RPS3: variants seen among roughly 807,000 people sequenced by gnomAD.
RPS3 encodes small ribosomal subunit protein uS3.
In RPS3, 2 loss-of-function variants were observed where a neutral mutation model predicts 25.8. The ratio of observed to expected loss-of-function variants is 0.08; its 90% CI spans 0.03 to 0.24. RPS3 has a LOEUF of 0.24. Ranked by LOEUF, RPS3 falls within the 10% of genes least tolerant of loss-of-function variation. RPS3 has a pLI of 1.00. For missense variants in RPS3, 107 were observed against 307.1 expected (o/e 0.35, Z 4.87); for synonymous variants, 114 against 114.2 (o/e 1.00, Z 0.01).
intron 6 of RPS3, among the ~76,000 whole-genome samples, chr11:75,421,076 C>T (rs1270169183): frequency 6.6e-6 from 1 of 152,172 alleles, no homozygotes; most frequent in Non-Finnish European, 1.5e-5. Context: ...TTGTCCTGAG[C>T]GTTCCCCATA....
At chr11:75,420,390 G>A (rs1414948117) in intron 6 of RPS3, among the ~76,000 whole-genome samples, 2 of 152,174 alleles carry the variant, frequency 1.3e-5, no homozygotes, top group African/African-American at 2.4e-5. Flanking sequence ...ATTCCCCATG[G>A]TGCAAATGAT....
chr11:75,408,794 C>G (rs1948312628), downstream of RPS3, among the ~76,000 whole-genome samples: 1 of 152,168 alleles, frequency 6.6e-6, no homozygotes, highest in Non-Finnish European at 1.5e-5. Context: ...GATCCACCTC[C>G]CAAAGTGCTG....
chr11:75,410,303 C>T (rs1207145861), downstream of RPS3, among the ~76,000 whole-genome samples: 19 of 151,776 alleles, frequency 1.3e-4, no homozygotes, highest in East Asian at 3.5e-3. Flanking sequence ...GGTTTCCTCA[C>T]TTCTCAGACG....
chr11:75,402,185 T>C, intron 3 of RPS3, 167 bp from the exon 4 acceptor site: 1 of 976,088 alleles, frequency 1.0e-6, no homozygotes, highest in South Asian at 1.6e-5. Context: ...ATCACGATGT[T>C]GAATTTGTGT....
downstream of RPS3, among the ~76,000 whole-genome samples, chr11:75,407,634 A>T: frequency 6.6e-6 from 1 of 150,636 alleles, no homozygotes; most frequent in African/African-American, 2.4e-5. Flanking sequence ...AAGTCTGGCT[A>T]TTTTTTTTTG....
chr11:75,413,536 A>C (rs1027847706), intron 6 of RPS3, among the ~76,000 whole-genome samples: 2 of 152,202 alleles, frequency 1.3e-5, no homozygotes, highest in African/African-American at 4.8e-5. Context: ...GATTACAGGC[A>C]TGAGCCACCG....
At chr11:75,401,886 G>A (rs1948214886) in intron 3 of RPS3, 153 bp downstream of exon 3, 1 of 606,996 alleles carries the variant, frequency 1.6e-6, no homozygotes, top group Non-Finnish European at 3.0e-6. Flanking sequence ...AACTTTGTAA[G>A]CCTATTCTGC....
rs946623268 is a variant in RPS3, at chr11:75,406,334, G to T, written c.*724G>T. Reference sequence around the variant, plus strand: ...GGCACTATTTTTTCAGGCAAAACTAGTGAGGGACAGGTTGGCTTGAAAATC... The same window carrying T: ...GGCACTATTTTTTCAGGCAAAACTATTGAGGGACAGGTTGGCTTGAAAATC... On this transcript the variant is annotated 3_prime_UTR_variant, in exon 7 of 7. Coordinates refer to ENST00000531188, the MANE Select transcript of RPS3 (RefSeq NM_001005.5). The T allele has an allele frequency of 5.3e-5, 8 of 152,228 alleles. No homozygotes were observed. Among genetic ancestry groups the T allele is most frequent in the African/African-American group, 1.9e-4 (8 of 41,464 alleles). 9.4% of individuals were successfully genotyped at this position (152,228 alleles called of 1,614,324 possible).
At chr11:75,410,668 C>T (rs1185420147), downstream of RPS3, among the ~76,000 whole-genome samples, 2 of 152,250 alleles carry the variant, frequency 1.3e-5, no homozygotes, top group African/African-American at 4.8e-5. Context: ...GAGCCGAGAT[C>T]ACGCCACTGC....
chr11:75,404,644 G>T lies in RPS3; in HGVS notation c.539-28G>T, dbSNP rs1265341643. 1 of 1,596,210 alleles carries T rather than the reference G, an allele frequency of 6.3e-7. No individual in the cohort carries two copies. Among genetic ancestry groups the T allele is most frequent in the Non-Finnish European group, 8.6e-7 (1 of 1,166,816 alleles). Reference sequence around the variant, plus strand: ...GATGGGGGCCTTTGAGACCCCAGCTGTGTGCTAACAACTGTGGTGTCCTCT... The same window carrying T: ...GATGGGGGCCTTTGAGACCCCAGCTTTGTGCTAACAACTGTGGTGTCCTCT... On this transcript the variant is annotated intron_variant, in intron 5 of 6. Transcript: ENST00000531188. This position sits in a 1 kb window ranked among gnomAD's most constrained non-coding sequence, Gnocchi z 4.6.
At chr11:75,411,827 G>T (rs1166010109), downstream of RPS3, among the ~76,000 whole-genome samples, 2 of 152,208 alleles carry the variant, frequency 1.3e-5, no homozygotes, top group Non-Finnish European at 2.9e-5. Context: ...TTTAGCTGCT[G>T]TTAGGGAAGG....
chr11:75,413,797 G>A (rs1948376379), intron 6 of RPS3, among the ~76,000 whole-genome samples: 1 of 152,310 alleles, frequency 6.6e-6, no homozygotes, highest in Admixed American at 6.5e-5. Flanking sequence ...GCCATCCACA[G>A]CAAATTAGGT....
intron 6 of RPS3, among the ~76,000 whole-genome samples, chr11:75,418,919 C>T: frequency 6.6e-6 from 1 of 152,208 alleles, no homozygotes; most frequent in East Asian, 1.9e-4. Flanking sequence ...AGCCTATTCT[C>T]ACAGCCCTTT....
chr11:75,404,861 C>T lies in RPS3; in HGVS notation c.728C>T (p.Ala243Val), dbSNP rs748621426. The change falls in exon 6 of 7, where the codon GCA (alanine) becomes GTA (valine). Residue 243 changes from alanine to valine, a missense_variant. By Grantham distance (64) the Ala-to-Val change is moderately conservative. This residue lies in a region of RPS3 where 81 missense variants were observed against 286.8 expected (regional missense o/e 0.28). Transcript: ENST00000531188. The surrounding 1 kb of genome is among the most constrained non-coding windows in gnomAD (Gnocchi z 4.6). Reference protein sequence around the residue: ...PPAMPQPVPTA With the variant: ...PPAMPQPVPTV ...GCCATGCCCCAGCCAGTCCCCACAG[C>T]ATAACAGGTATGTCTGCAAGGGCAG... 3.7e-6 allele frequency: 6 copies of T among 1,605,366 alleles called. No homozygotes were observed. In the South Asian group the frequency reaches 6.6e-5, roughly 18 times the overall value.
chr11:75,402,995 A>T (rs986933661), intron 4 of RPS3: 2 of 152,280 alleles, frequency 1.3e-5, no homozygotes, highest in African/African-American at 4.8e-5. Flanking sequence ...AGTTGCATGC[A>T]GATAGTAGTA....
At chr11:75,402,757 G>T (rs572055730) in intron 4 of RPS3, 130 of 191,220 alleles carry the variant, frequency 6.8e-4, no homozygotes, top group Non-Finnish European at 1.2e-3. Context: ...GCTTTACAAA[G>T]AGCCCTGTTG....
At chr11:75,412,241 T>G (rs945622948) in intron 6 of RPS3, among the ~76,000 whole-genome samples, 6 of 152,228 alleles carry the variant, frequency 3.9e-5, no homozygotes, top group African/African-American at 1.4e-4. Context: ...TGGACTGATT[T>G]ATGTCCCCCC....
rs1313500841 is a variant in RPS3 at position 75,406,771 on chromosome 11, G to A, written c.*1161G>A. ...ATAATCAAAAAGGATGGTTGTGTGTGTATTGAACATGTAGACTTATTTTTC... is the reference window on the plus strand; with the variant it reads ...ATAATCAAAAAGGATGGTTGTGTGTATATTGAACATGTAGACTTATTTTTC... On this transcript the variant is annotated 3_prime_UTR_variant, in exon 7 of 7. Transcript: ENST00000531188. 2 of 152,180 alleles carry A rather than the reference G, an allele frequency of 1.3e-5. No homozygotes were observed. Among genetic ancestry groups the A allele is most frequent in the Non-Finnish European group, 2.9e-5 (2 of 68,036 alleles). 9.4% of individuals were successfully genotyped at this position (152,180 alleles called of 1,614,324 possible). A position where few individuals can be genotyped will look rare whatever the true frequency, so the allele number is the denominator to read the frequency against.
intron 4 of RPS3, 35 bp from the exon 5 acceptor site, chr11:75,403,985 C>T (rs760526831): frequency 3.1e-6 from 5 of 1,588,020 alleles, no homozygotes; most frequent in Non-Finnish European, 2.6e-6. Flanking sequence ...AGGTCCTTGG[C>T]AATAACACAG....
Sources: allele counts gnomAD v4.1 joint callset (sites outside exome capture counted in the v4.1 genomes callset), GRCh38; gene constraint gnomAD v4.1.1; regional missense constraint gnomAD v4.1.1; non-coding constraint Gnocchi (gnomAD v3.1); transcripts MANE v1.5; gene names NCBI Gene and HGNC (gene_info 2026-07-23, HGNC 2026-07-21).